Variants in GSAP observed in about 807,000 individuals in gnomAD.
The protein encoded by GSAP is gamma-secretase activating protein, also known as gamma-secretase-activating protein.
A neutral mutation model predicts 131.7 loss-of-function variants in GSAP; 118 were observed. The ratio of observed to expected loss-of-function variants is 0.90; its 90% CI spans 0.77 to 1.04. The LOEUF is 1.04. Ranked by LOEUF, GSAP falls within the 50% of genes least tolerant of loss-of-function variation. The pLI, the probability that GSAP is intolerant of heterozygous loss-of-function variation, is 0.00. For missense variants in GSAP, 1,019 were observed against 1,013.2 expected (o/e 1.01, Z -0.08); for synonymous variants, 381 against 363.4 (o/e 1.05, Z -0.55).
At chr7:77,413,301 A>T (rs1803634730) in intron 1 of GSAP, among the ~76,000 whole-genome samples, 1 of 152,228 alleles carries the variant, frequency 6.6e-6, no homozygotes. Context: ...CAAAATGGCC[A>T]GGCCTTTAAA....
At position 77,326,203 on chromosome 7, in the gene GSAP, A is replaced by G. The variant is rs550584175; in HGVS notation, c.1827+9T>C. On this transcript the variant is annotated intron_variant, in intron 23 of 30. Transcript: ENST00000257626. Reference sequence around the variant, plus strand: ...TTGCCAGCCCCTAAAGAACCCACGTACCACTTACCAGCCCCATGAGCAGCC... The same window carrying G: ...TTGCCAGCCCCTAAAGAACCCACGTGCCACTTACCAGCCCCATGAGCAGCC... The G allele has an allele frequency of 3.1e-6, 5 of 1,604,630 alleles. No individual in the cohort carries two copies. In the South Asian group the frequency reaches 5.5e-5, roughly 18 times the overall value.
chr7:77,371,812 G>A (rs1053577668), intron 12 of GSAP, among the ~76,000 whole-genome samples: 10 of 152,166 alleles, frequency 6.6e-5, no homozygotes, highest in African/African-American at 1.2e-4. Flanking sequence ...CTGCACAGAC[G>A]CTTCAGTGAA....
intron 15 of GSAP, 27 bp downstream of exon 15, chr7:77,355,528 T>C (rs1373642073): frequency 3.8e-6 from 6 of 1,558,468 alleles, no homozygotes; most frequent in Admixed American, 1.7e-5. Flanking sequence ...ATGGGCCACC[T>C]CTACAAGAGA....
intron 26 of GSAP, chr7:77,315,662 A>G (rs1047308273): frequency 6.6e-6 from 1 of 152,248 alleles, no homozygotes; most frequent in Admixed American, 6.5e-5. Flanking sequence ...GCTTTCAACC[A>G]TAATGTCACT....
chr7:77,323,506 A>C, intron 24 of GSAP, 141 bp downstream of exon 24: 1 of 540,370 alleles, frequency 1.9e-6, no homozygotes, highest in South Asian at 2.7e-5. Flanking sequence ...AATCTACAGC[A>C]CCAAATACTG....
chr7:77,409,262 G>T (rs1223645438), intron 1 of GSAP, among the ~76,000 whole-genome samples: 3 of 152,100 alleles, frequency 2.0e-5, no homozygotes, highest in African/African-American at 7.2e-5. Flanking sequence ...TGGGAGGATG[G>T]CTTGAGCTCA....
At chr7:77,313,267 T>C (rs1794603596) in intron 28 of GSAP, among the ~76,000 whole-genome samples, 1 of 151,738 alleles carries the variant, frequency 6.6e-6, no homozygotes, top group Non-Finnish European at 1.5e-5. Flanking sequence ...CTCACTGGAC[T>C]GTGCCAAGGC....
rs773963773 is a variant in GSAP at position 77,355,678 on chromosome 7, A to G, written c.1028-31T>C. 8.3e-6 allele frequency: 10 copies of G among 1,205,906 alleles called. No individual in the cohort carries two copies. In the South Asian group the frequency reaches 8.5e-5, roughly 10 times the overall value. The allele number at this position is 1,205,906 out of a possible 1,614,324, so 74.7% of individuals were successfully genotyped here. Reference sequence around the variant, plus strand: ...GAAGAGAAAGATTTACATCATCTACATGTGGTAAAAGCTGCACAGGTACAG... The same window carrying G: ...GAAGAGAAAGATTTACATCATCTACGTGTGGTAAAAGCTGCACAGGTACAG... On this transcript the variant is annotated intron_variant, in intron 14 of 30. Coordinates refer to ENST00000257626, the MANE Select transcript of GSAP (RefSeq NM_017439.4).
At chr7:77,311,998 A>C (rs1200090935) in intron 29 of GSAP, 58 bp from the exon 30 acceptor site, 13 of 1,250,154 alleles carry the variant, frequency 1.0e-5, no homozygotes, top group Non-Finnish European at 1.5e-5. Flanking sequence ...ACAATTTTAA[A>C]ATAAAGTGAT....
intron 1 of GSAP, among the ~76,000 whole-genome samples, chr7:77,409,419 T>G (rs1802880816): frequency 6.6e-6 from 1 of 152,180 alleles, no homozygotes; most frequent in Admixed American, 6.5e-5. Context: ...CCTACTATAC[T>G]TTTCAATGAG....
intron 13 of GSAP, 132 bp from the exon 14 acceptor site, chr7:77,361,033 A>G (rs1201439642): frequency 8.3e-6 from 5 of 606,046 alleles, no homozygotes; most frequent in Non-Finnish European, 1.2e-5. Flanking sequence ...AGACTTCTAG[A>G]TTTCATGGTT....
intron 22 of GSAP, chr7:77,328,333 C>T: frequency 8.3e-7 from 1 of 1,204,166 alleles, no homozygotes; most frequent in Non-Finnish European, 1.0e-6. Context: ...CAGAGGGCAG[C>T]TCTGTATGAC....
chr7:77,359,531 G>A (rs758008313), intron 14 of GSAP, among the ~76,000 whole-genome samples: 1 of 151,988 alleles, frequency 6.6e-6, no homozygotes, highest in African/African-American at 2.4e-5. Context: ...GAAATTGCAC[G>A]TAATAGCAAA....
Position 77,355,372 on chromosome 7 carries a change from G to A in GSAP, c.1179C>T (p.Ser393=), listed in dbSNP as rs759414126. Residue 393 remains serine (S), a synonymous_variant, in exon 16 of 31, where the codon TCC becomes TCT. Coordinates refer to ENST00000257626, the MANE Select transcript of GSAP (RefSeq NM_017439.4). ...PHCPLQSLSG[S]LVLDCCSGKL... is the part of the protein sequence containing the mutation. Reference sequence around the variant, plus strand: ...TTCCAGAACAACAATCCAATACCAGGGACCCTGACAATGACTGTAAAGGGC... The same window carrying A: ...TTCCAGAACAACAATCCAATACCAGAGACCCTGACAATGACTGTAAAGGGC... 6 of 1,613,074 alleles carry A rather than the reference G, an allele frequency of 3.7e-6. No homozygotes were observed. The East Asian group carries it at 1.1e-4, about 30-fold the overall frequency.
At chr7:77,344,255 C>G (rs911783978) in intron 19 of GSAP, among the ~76,000 whole-genome samples, 1 of 152,150 alleles carries the variant, frequency 6.6e-6, no homozygotes, top group Non-Finnish European at 1.5e-5. Flanking sequence ...TCAGTGGAAC[C>G]TTCAGGCCCC....
chr7:77,393,265 A>C (rs1015969856), intron 5 of GSAP, among the ~76,000 whole-genome samples: 13 of 152,312 alleles, frequency 8.5e-5, no homozygotes, highest in African/African-American at 2.9e-4. Flanking sequence ...AACGTTTCCA[A>C]AATATTCGTT....
intron 13 of GSAP, among the ~76,000 whole-genome samples, chr7:77,361,946 C>G (rs1285407290): frequency 5.9e-5 from 9 of 152,138 alleles, no homozygotes. Flanking sequence ...CTATTTAACT[C>G]TGTAAGTTAA....
At chr7:77,366,034 A>G (rs181335159) in intron 12 of GSAP, among the ~76,000 whole-genome samples, 1 of 150,896 alleles carries the variant, frequency 6.6e-6, no homozygotes, top group East Asian at 2.0e-4. Flanking sequence ...TGCTGGCCAC[A>G]TGTCTTCTTT....
intron 1 of GSAP, among the ~76,000 whole-genome samples, 156 bp from the exon 2 acceptor site, chr7:77,406,261 C>T (rs566761724): frequency 1.3e-5 from 2 of 152,044 alleles, no homozygotes; most frequent in African/African-American, 4.8e-5. Context: ...ATTAGAAGTA[C>T]AAACAGTAGT....
Sources: gnomAD v4.1 joint callset for allele counts (sites outside exome capture counted in the v4.1 genomes callset) on GRCh38, gnomAD v4.1.1 for gene constraint, MANE v1.5 for transcripts, NCBI Gene and HGNC (gene_info 2026-07-23, HGNC 2026-07-21) for gene names.